Variants in OR2L2 observed in about 807,000 individuals in gnomAD.
OR2L2 encodes olfactory receptor family 2 subfamily L member 2.
For synonymous variants in OR2L2, 156 were observed against 135.4 expected (o/e 1.15, Z -1.06); for missense variants, 378 against 375.2 (o/e 1.01, Z -0.06).
chr1:248,034,807 T>C (rs528891802), intron 1 of OR2L2, among the ~76,000 whole-genome samples: 6 of 152,332 alleles, frequency 3.9e-5, no homozygotes, highest in African/African-American at 1.2e-4. Context: ...GAAGCCTAGG[T>C]TCAGAACAGA....
intron 1 of OR2L2, among the ~76,000 whole-genome samples, chr1:248,031,455 G>A (rs550916904): frequency 1.3e-5 from 2 of 152,220 alleles, no homozygotes; most frequent in African/African-American, 4.8e-5. Context: ...ACAGGCTTCT[G>A]CCTTAATGGG....
At chr1:248,030,438 AATG>A (rs1318427904) in intron 1 of OR2L2, among the ~76,000 whole-genome samples, 1 of 152,262 alleles carries the variant, frequency 6.6e-6, no homozygotes, top group African/African-American at 2.4e-5. Context: ...CTAATTCATA[AATG>A]TGTTTTCTGG....
intron 1 of OR2L2, among the ~76,000 whole-genome samples, chr1:248,032,742 G>T (rs569700596): frequency 2.0e-4 from 30 of 152,002 alleles, no homozygotes; most frequent in South Asian, 4.2e-4. Context: ...ATTTTTTATT[G>T]ATTTCTCTGT....
chr1:248,034,678 T>C (rs959992946), intron 1 of OR2L2, among the ~76,000 whole-genome samples: 1 of 152,226 alleles, frequency 6.6e-6, no homozygotes, highest in African/African-American at 2.4e-5. Flanking sequence ...TTTCAATATA[T>C]AAGCCTTTTA....
At position 248,036,393 on chromosome 1, in the gene OR2L2, AT is replaced by A. The variant is rs1197466428; in HGVS notation, c.-22+773del. 4.6e-5 allele frequency among the ~76,000 whole-genome samples: 7 copies of A among 152,136 alleles called. No homozygotes were observed. In the East Asian group the frequency reaches 1.3e-3, roughly 29 times the overall value. On this transcript the variant is annotated intron_variant, in intron 2 of 2. Transcript: ENST00000641771. ...ATAGCTAATGATATTTATTTGGTGG[AT>A]TTTATAACATATCATAGACATCTTC...
Position 248,041,071 on chromosome 1 carries a change from T to C in OR2L2, c.*1865T>C, listed in dbSNP as rs888333156. ...ACTGTATGAGAATGTCATAATAATA[T>C]GAGAAAAGGTAGTAGTTGCCTGATG... On this transcript the variant is annotated 3_prime_UTR_variant, in exon 3 of 3. Coordinates refer to ENST00000641771, the MANE Select transcript of OR2L2 (RefSeq NM_001385855.1). 1.3e-5 allele frequency: 2 copies of C among 152,180 alleles called. No individual in the cohort carries two copies. The highest frequency in any genetic ancestry group is 2.4e-5 in the African/African-American group (1 of 41,432). The allele number at this position is 152,180 out of a possible 1,614,324, so 9.4% of individuals were successfully genotyped here. A position where few individuals can be genotyped will look rare whatever the true frequency, so the allele number is the denominator to read the frequency against.
At chr1:248,035,971 C>G (rs1662748696) in intron 2 of OR2L2, among the ~76,000 whole-genome samples, 1 of 151,610 alleles carries the variant, frequency 6.6e-6, no homozygotes, top group African/African-American at 2.4e-5. Context: ...ATTATTATTA[C>G]TACTATTTCT....
chr1:248,038,785 T>C lies in OR2L2; in HGVS notation c.518T>C (p.Ile173Thr), dbSNP rs781308401. Reference protein sequence around the residue: ...LCIPYCKSRAINHFFCDVPAM... With the variant: ...LCIPYCKSRATNHFFCDVPAM... ...ATCCCATATTGCAAGTCCAGAGCCA[T>C]CAATCATTTTTTCTGTGATGTTCCA... is the stretch of plus-strand genomic sequence containing the variant. The change falls in exon 3 of 3, where the codon ATC (isoleucine) becomes ACC (threonine). Residue 173 changes from isoleucine (I) to threonine (T), a missense_variant. Physicochemically the swap from Ile to Thr is moderately conservative, Grantham distance 89. Transcript: ENST00000641771. 7 of 1,614,148 alleles carry C rather than the reference T, an allele frequency of 4.3e-6. No individual in the cohort carries two copies. In the South Asian group the frequency reaches 7.7e-5, roughly 18 times the overall value.
At position 248,034,146 on chromosome 1, in the gene OR2L2, A is replaced by C. The variant is rs1572686672; in HGVS notation, c.-96-1404A>C. On this transcript the variant is annotated intron_variant, in intron 1 of 2. Coordinates refer to ENST00000641771, the MANE Select transcript of OR2L2 (RefSeq NM_001385855.1). ...TAAGGAAAACTACAAAACACTGCTG[A>C]AAGAAATCATAGACGAAACAAACCT... Among the ~76,000 whole-genome samples the C allele has an allele frequency of 2.6e-5, 4 of 152,360 alleles. No homozygotes were observed. The South Asian group carries it at 8.3e-4, about 32-fold the overall frequency.
rs1662826632 is a variant in OR2L2 at position 248,038,404 on chromosome 1, T to G, written c.137T>G (p.Leu46Arg). Residue 46 changes from leucine to arginine, a missense_variant, in exon 3 of 3, where the codon CTT (leucine) becomes CGT (arginine). Transcript: ENST00000641771. ...MALIGNLSMI[L>R]LIFLDIHLHT... Reference sequence around the variant, plus strand: ...CTAATTGGAAATCTATCCATGATTCTTCTCATCTTTTTGGACATCCATCTC... The same window carrying G: ...CTAATTGGAAATCTATCCATGATTCGTCTCATCTTTTTGGACATCCATCTC... 6.2e-7 allele frequency: 1 copy of G among 1,613,676 alleles called. No individual in the cohort carries two copies. The highest frequency in any genetic ancestry group is 1.3e-5 in the African/African-American group (1 of 74,932).
chr1:248,034,172 A>G (rs990211969), intron 1 of OR2L2, among the ~76,000 whole-genome samples: 1 of 152,208 alleles, frequency 6.6e-6, no homozygotes, highest in East Asian at 1.9e-4. Flanking sequence ...AAACAAACCT[A>G]TGGAAACACG....
At position 248,042,220 on chromosome 1, in the gene OR2L2, T is replaced by C. The variant is rs1355413646; in HGVS notation, c.*3014T>C. Reference sequence around the variant, plus strand: ...GTCCTTTGTAGGGACATGGATGAAATTGGAAATCATCATTCTCACTAAACT... The same window carrying C: ...GTCCTTTGTAGGGACATGGATGAAACTGGAAATCATCATTCTCACTAAACT... On this transcript the variant is annotated 3_prime_UTR_variant, in exon 3 of 3. Coordinates refer to ENST00000641771, the MANE Select transcript of OR2L2 (RefSeq NM_001385855.1). The C allele has an allele frequency of 1.3e-5, 2 of 151,534 alleles. No individual in the cohort carries two copies. Among genetic ancestry groups the C allele is most frequent in the African/African-American group, 2.4e-5 (1 of 41,188 alleles). The allele number at this position is 151,534 out of a possible 1,614,324, so 9.4% of individuals were successfully genotyped here.
intron 1 of OR2L2, among the ~76,000 whole-genome samples, chr1:248,031,123 T>A (rs1387678223): frequency 6.6e-6 from 1 of 152,070 alleles, no homozygotes; most frequent in African/African-American, 2.4e-5. Context: ...TATTTTTACA[T>A]AAGAAAAAAA....
chr1:248,036,992 C>A (rs538214409), intron 2 of OR2L2, among the ~76,000 whole-genome samples: 1 of 152,140 alleles, frequency 6.6e-6, no homozygotes, highest in South Asian at 2.1e-4. Context: ...ACGGGGAGAG[C>A]TTGAGCAGAG....
rs761616428 is a variant in OR2L2, at chr1:248,039,234, G to T, written c.*28G>T. The T allele has an allele frequency of 1.3e-6, 2 of 1,574,930 alleles. No homozygotes were observed. Among genetic ancestry groups the T allele is most frequent in the East Asian group, 2.2e-5 (1 of 44,780 alleles). ...ATACGTTCTGTGTTAGAGTCAAAGCGCTAGGTTCATATCAACTTAGTAGTG... is the reference window on the plus strand; with the variant it reads ...ATACGTTCTGTGTTAGAGTCAAAGCTCTAGGTTCATATCAACTTAGTAGTG... On this transcript the variant is annotated 3_prime_UTR_variant, in exon 3 of 3. Transcript: ENST00000641771.
intron 2 of OR2L2, among the ~76,000 whole-genome samples, chr1:248,036,978 G>A (rs994403890): frequency 2.6e-5 from 4 of 152,100 alleles, no homozygotes; most frequent in African/African-American, 4.8e-5. Context: ...AATATACATC[G>A]TATACGGGGA....
In OR2L2 at chr1:248,039,075, G is replaced by A; in HGVS notation, c.808G>A (p.Asp270Asn). The change falls in exon 3 of 3, where the codon GAC becomes AAC. Residue 270 changes from aspartate to asparagine, a missense_variant. Asp to Asn is a conservative substitution (Grantham distance 23). Transcript: ENST00000641771. ...AAGATCCCTGCGATCTCCAACAGAG[G>A]ACAAGATTCTGGCTGTTTTCTACAC... ...RPRSLRSPTE[D>N]KILAVFYTIL... 6.2e-7 allele frequency: 1 copy of A among 1,614,014 alleles called. No individual in the cohort carries two copies. Among genetic ancestry groups the A allele is most frequent in the East Asian group, 2.2e-5 (1 of 44,872 alleles).
At chr1:248,032,755 A>T (rs1183232911) in intron 1 of OR2L2, among the ~76,000 whole-genome samples, 1 of 152,102 alleles carries the variant, frequency 6.6e-6, no homozygotes, top group African/African-American at 2.4e-5. Context: ...TTCTCTGTGG[A>T]TGGACACTTA....
intron 1 of OR2L2, among the ~76,000 whole-genome samples, chr1:248,032,270 A>G (rs2103089053): frequency 6.6e-6 from 1 of 152,236 alleles, no homozygotes; most frequent in East Asian, 1.9e-4. Flanking sequence ...AATATGGAAT[A>G]ATTTCAGTAT....
Sources: gnomAD v4.1 joint callset for allele counts (sites outside exome capture counted in the v4.1 genomes callset) on GRCh38, gnomAD v4.1.1 for gene constraint, MANE v1.5 for transcripts, NCBI Gene and HGNC (gene_info 2026-07-23, HGNC 2026-07-21) for gene names.